The following UBE4A variants were observed in gnomAD, a reference collection of about 807,000 sequenced individuals.
UBE4A encodes the protein ubiquitination factor E4A, also known as ubiquitin conjugation factor E4 A.
UBE4A carries 48 observed loss-of-function variants against 117.9 expected under a neutral mutation model. The ratio of observed to expected loss-of-function variants is 0.41; its 90% CI spans 0.32 to 0.52. The LOEUF (loss-of-function observed/expected upper bound fraction) is 0.52. Among genes scored for constraint, UBE4A ranks in the 20% least tolerant of loss-of-function variants. UBE4A has a pLI of 0.33. For missense variants in UBE4A, 1,067 were observed against 1,296.3 expected, an observed-to-expected ratio of 0.82 and a Z score of 2.72; for synonymous variants, 407 against 450.0, an observed-to-expected ratio of 0.90 and a Z score of 1.21.
chr11:118,389,817 G>T lies in UBE4A; in HGVS notation c.2680G>T (p.Gly894Cys). 1 of 1,613,782 alleles carries T rather than the reference G, an allele frequency of 6.2e-7. No homozygotes were observed. Among genetic ancestry groups the T allele is most frequent in the Non-Finnish European group, 8.5e-7 (1 of 1,179,776 alleles). Residue 894 changes from glycine (G) to cysteine (C), a missense_variant, in exon 17 of 20, where the codon GGT becomes TGT. Gly to Cys is a radical substitution (Grantham distance 159). This residue lies in a region of UBE4A where 1,001 missense variants were observed against 1,184.0 expected (regional missense o/e 0.85). Transcript: ENST00000252108. ...FLQHLVGPKM[G>C]ALKVKDFSEF... ...GCAACACCTGGTTGGCCCCAAGATG[G>T]GTGCCTTAAAAGTCAAGGACTTCAG...
chr11:118,378,271 A>G (rs1565533949), intron 10 of UBE4A, among the ~76,000 whole-genome samples: 1 of 151,162 alleles, frequency 6.6e-6, no homozygotes, highest in Non-Finnish European at 1.5e-5. Flanking sequence ...ATTAAAAAAA[A>G]GAAAAAGACC....
At chr11:118,364,468 A>C (rs1948547143) in intron 1 of UBE4A, among the ~76,000 whole-genome samples, 1 of 152,072 alleles carries the variant, frequency 6.6e-6, no homozygotes, top group South Asian at 2.1e-4. Context: ...TATGTTAAAA[A>C]CCCACAACAT....
chr11:118,364,947 T>C lies in UBE4A; in HGVS notation c.-41-93T>C, dbSNP rs57845784. On this transcript the variant is annotated intron_variant, in intron 1 of 19. Coordinates refer to ENST00000252108, the MANE Select transcript of UBE4A (RefSeq NM_001204077.2). ...TAACCCAAAGTATTTTAAAATGTAT[T>C]GTATTTGAGAAATGGGAAAAGAAAC... The C allele has an allele frequency of 3.0e-3, 3,454 of 1,159,390 alleles. 76 individuals carry two copies. In the African/African-American group the frequency reaches 0.045, roughly 15 times the overall value. 71.8% of individuals were successfully genotyped at this position (1,159,390 alleles called of 1,614,324 possible). A position where few individuals can be genotyped will look rare whatever the true frequency, so the allele number is the denominator to read the frequency against.
intron 19 of UBE4A, among the ~76,000 whole-genome samples, chr11:118,396,031 CGCCACTGCACTCCATCCTGGGT>C (rs1948868507): frequency 6.6e-6 from 1 of 151,482 alleles, no homozygotes; most frequent in African/African-American, 2.4e-5. Context: ...GCAGAGATAA[CGCCACTGCACTCCATCCTGGGT>C]GCCACTGCAC....
intron 18 of UBE4A, among the ~76,000 whole-genome samples, chr11:118,391,537 G>A (rs1948817614): frequency 6.6e-6 from 1 of 150,808 alleles, no homozygotes; most frequent in African/African-American, 2.4e-5. Flanking sequence ...GCTCACGCCT[G>A]TAATCCTAGC....
At chr11:118,386,055 G>T (rs1948754376) in intron 15 of UBE4A, among the ~76,000 whole-genome samples, 1 of 152,086 alleles carries the variant, frequency 6.6e-6, no homozygotes, top group Admixed American at 6.5e-5. Context: ...AATTTGGCAG[G>T]GGGGATTTGT....
rs574536154 is a variant in UBE4A at position 118,368,704 on chromosome 11, G to A, written c.195G>A (p.Val65=). Residue 65 remains valine, a synonymous_variant, in exon 3 of 20, where the codon GTG becomes GTA. Coordinates refer to ENST00000252108, the MANE Select transcript of UBE4A (RefSeq NM_001204077.2). ...GCCTGGATGAATTCGATTACTCTGT[G>A]GCTGAGATTAGCCGCTCATTCCGAT... ...SESLDEFDYS[V]AEISRSFRSQ... is the part of the protein sequence containing the mutation. The A allele has an allele frequency of 1.2e-6, 2 of 1,614,182 alleles. No individual in the cohort carries two copies. The highest frequency in any genetic ancestry group is 1.7e-5 in the Admixed American group (1 of 60,022).
rs1180450334 is a variant in UBE4A, at chr11:118,380,586, T to C, written c.1877-805T>C. 2.0e-5 allele frequency among the ~76,000 whole-genome samples: 3 copies of C among 151,784 alleles called. No homozygotes were observed. In the East Asian group the frequency reaches 5.8e-4, roughly 29 times the overall value. On this transcript the variant is annotated intron_variant, in intron 11 of 19. Transcript: ENST00000252108. ...GACAGCAGGACCCTGTCTCAGAAAA[T>C]AAATTAATTAATTAATAAAATAACA...
chr11:118,361,856 T>G (rs1948523256), intron 1 of UBE4A, among the ~76,000 whole-genome samples: 1 of 152,202 alleles, frequency 6.6e-6, no homozygotes, highest in Non-Finnish European at 1.5e-5. Flanking sequence ...CAATAACTAC[T>G]TATTTAGGAT....
chr11:118,365,927 T>C, intron 2 of UBE4A, among the ~76,000 whole-genome samples: 1 of 152,186 alleles, frequency 6.6e-6, no homozygotes, highest in Non-Finnish European at 1.5e-5. Flanking sequence ...TTCTCAAATA[T>C]GTTAGTCTTC....
intron 17 of UBE4A, 88 bp from the exon 18 acceptor site, chr11:118,390,569 T>C (rs1248109036): frequency 9.1e-7 from 1 of 1,098,516 alleles, no homozygotes; most frequent in Non-Finnish European, 1.2e-6. Flanking sequence ...TTTTAAGTGG[T>C]GAGAATGCTT....
rs1293317120 is a variant in UBE4A at position 118,397,088 on chromosome 11, T to G, written c.*648T>G. 6.6e-6 allele frequency: 1 copy of G among 152,326 alleles called. No homozygotes were observed. The highest frequency in any genetic ancestry group is 1.5e-5 in the Non-Finnish European group (1 of 68,130). The allele number at this position is 152,326 out of a possible 1,614,324, so 9.4% of individuals were successfully genotyped here. On this transcript the variant is annotated 3_prime_UTR_variant, in exon 20 of 20. Transcript: ENST00000252108. Reference sequence around the variant, plus strand: ...TAGCTCTTAATTTTGTTATACAGTCTTTTTAATGAGGATTGGTAGGGCAAT... The same window carrying G: ...TAGCTCTTAATTTTGTTATACAGTCGTTTTAATGAGGATTGGTAGGGCAAT...
rs1948872557 is a variant in UBE4A at position 118,396,344 on chromosome 11, C to T, written c.3105C>T (p.Pro1035=). Residue 1035 remains proline, a synonymous_variant, in exon 20 of 20, where the codon CCC becomes CCT. Coordinates refer to ENST00000252108, the MANE Select transcript of UBE4A (RefSeq NM_001204077.2). ...SDQTDPFNRS[P]LTMDQIRPNT... ...AAACAGATCCCTTTAACCGTAGTCC[C>T]CTCACCATGGACCAGATCCGGCCAA... 1 of 1,613,652 alleles carries T rather than the reference C, an allele frequency of 6.2e-7. No homozygotes were observed. Among genetic ancestry groups the T allele is most frequent in the South Asian group, 1.1e-5 (1 of 91,056 alleles).
intron 11 of UBE4A, among the ~76,000 whole-genome samples, chr11:118,380,126 TG>T (rs1948689189): frequency 1.4e-5 from 1 of 68,986 alleles, no homozygotes; most frequent in Non-Finnish European, 2.9e-5. Flanking sequence ...AGTGTGTGTG[TG>T]TGTGTGCGTG....
rs782182171 is a variant in UBE4A, at chr11:118,375,130, A to C, written c.1351A>C (p.Lys451Gln). The change falls in exon 9 of 20, where the codon AAA (lysine) becomes CAA (glutamine). Residue 451 changes from lysine to glutamine, a missense_variant. Physicochemically the swap from Lys to Gln is moderately conservative, Grantham distance 53. This residue lies in a region of UBE4A where 1,001 missense variants were observed against 1,184.0 expected (regional missense o/e 0.85). Coordinates refer to ENST00000252108, the MANE Select transcript of UBE4A (RefSeq NM_001204077.2). The part of the protein sequence containing the change: ...ALLKLCQPFC[K>Q]PRSSRLLTFN... ...CCTGAAGCTATGCCAGCCATTTTGC[A>C]AACCCAGATCCTCTCGGCTCCTCAC... The C allele has an allele frequency of 6.2e-7, 1 of 1,614,210 alleles. No homozygotes were observed. The highest frequency in any genetic ancestry group is 2.2e-5 in the East Asian group (1 of 44,886).
intron 5 of UBE4A, 64 bp from the exon 6 acceptor site, chr11:118,372,443 A>G (rs1948616811): frequency 6.6e-7 from 1 of 1,504,562 alleles, no homozygotes; most frequent in South Asian, 1.3e-5. Context: ...TGTATTCACT[A>G]TGTCTACTTT....
chr11:118,375,385 A>G (rs1465818526), intron 9 of UBE4A, among the ~76,000 whole-genome samples, 156 bp downstream of exon 9: 3 of 150,962 alleles, frequency 2.0e-5, no homozygotes, highest in Non-Finnish European at 2.9e-5. Context: ...TTTGAGATGG[A>G]GTCTTACTCT....
intron 6 of UBE4A, 81 bp from the exon 7 acceptor site, chr11:118,373,005 T>C: frequency 8.1e-7 from 1 of 1,239,606 alleles, no homozygotes. Flanking sequence ...AAAAAAAGAA[T>C]TATTGAAAGT....
rs1555127934 is a variant in UBE4A, at chr11:118,389,843, C to T, written c.2706C>T (p.Ser902=). 1.2e-6 allele frequency: 2 copies of T among 1,613,604 alleles called. No homozygotes were observed. The highest frequency in any genetic ancestry group is 1.1e-5 in the South Asian group (1 of 91,030). Residue 902 remains serine (S), a synonymous_variant, in exon 17 of 20, where the codon AGC becomes AGT. Coordinates refer to ENST00000252108, the MANE Select transcript of UBE4A (RefSeq NM_001204077.2). The stretch of plus-strand genomic sequence containing the variant: ...GTGCCTTAAAAGTCAAGGACTTCAG[C>T]GAATTTGACTTCAAACCCCAGCAGC... ...KMGALKVKDF[S]EFDFKPQQLV...
Sources: gnomAD v4.1 joint callset for allele counts (sites outside exome capture counted in the v4.1 genomes callset) on GRCh38, gnomAD v4.1.1 for gene constraint, gnomAD v4.1.1 regional missense constraint, MANE v1.5 for transcripts, NCBI Gene and HGNC (gene_info 2026-07-23, HGNC 2026-07-21) for gene names.